RBFOX1: variants seen among roughly 807,000 people sequenced by gnomAD.
The protein encoded by RBFOX1 is RNA binding protein fox-1 homolog 1.
Under a neutral mutation model 57.7 loss-of-function variants are expected in RBFOX1, and 8 were observed. That is an observed-to-expected ratio of 0.14 (90% CI 0.08 to 0.25). The LOEUF (loss-of-function observed/expected upper bound fraction) is 0.25, where lower values mean the gene tolerates loss of function less well. Among genes scored for constraint, RBFOX1 ranks in the 10% least tolerant of loss-of-function variants. RBFOX1 has a pLI of 1.00. For synonymous variants in RBFOX1, 326 were observed against 222.4 expected (o/e 1.47, Z -4.15); for missense variants, 611 against 548.5 (o/e 1.11, Z -1.14).
At chr16:7,121,363 C>A (rs1395677578) in intron 4 of RBFOX1, among the ~76,000 whole-genome samples, 1 of 151,956 alleles carries the variant, frequency 6.6e-6, no homozygotes, top group African/African-American at 2.4e-5. Flanking sequence ...TTTATAAAAT[C>A]CCAAGGAACT....
At position 7,253,889 on chromosome 16, in the gene RBFOX1, G is replaced by A. The variant is rs998520384; in HGVS notation, c.27+201791G>A. On this transcript the variant is annotated intron_variant, in intron 4 of 15. Coordinates refer to ENST00000550418, the MANE Select transcript of RBFOX1 (RefSeq NM_018723.4). Reference sequence around the variant, plus strand: ...TATTGGAGGATTTAATATTTTGTTCGTTCATTACCTGAATCTGAAGAGTCT... The same window carrying A: ...TATTGGAGGATTTAATATTTTGTTCATTCATTACCTGAATCTGAAGAGTCT... Among the ~76,000 whole-genome samples, 11 of 152,184 alleles carry A rather than the reference G, an allele frequency of 7.2e-5. No individual in the cohort carries two copies. The Middle Eastern group carries it at 0.01, about 141-fold the overall frequency.
chr16:7,009,212 C>G (rs1441913410), intron 3 of RBFOX1, among the ~76,000 whole-genome samples: 1 of 130,886 alleles, frequency 7.6e-6, no homozygotes, highest in Admixed American at 8.8e-5. Flanking sequence ...CCCTCTTTCT[C>G]TCTGTCCCTC....
At chr16:5,245,236 T>TA (rs937902342) in intron 1 of RBFOX1, among the ~76,000 whole-genome samples, 1 of 152,148 alleles carries the variant, frequency 6.6e-6, no homozygotes, top group Non-Finnish European at 1.5e-5. Context: ...CCAAAGGACT[T>TA]ACGGACCTAT....
chr16:7,560,397 A>C (rs1324112696), intron 5 of RBFOX1, among the ~76,000 whole-genome samples: 1 of 150,882 alleles, frequency 6.6e-6, no homozygotes, highest in Non-Finnish European at 1.5e-5. Context: ...CACAATGAGA[A>C]ACTGACAAAA....
intron 1 of RBFOX1, among the ~76,000 whole-genome samples, chr16:6,242,634 ACAC>A (rs1441318060): frequency 3.8e-5 from 4 of 103,926 alleles, no homozygotes; most frequent in Non-Finnish European, 7.7e-5. Flanking sequence ...TTGCAAACAC[ACAC>A]ACACACACAC....
Position 5,299,239 on chromosome 16 carries a change from A to T in RBFOX1, c.219+59134A>T, listed in dbSNP as rs568436611. ...TGCTCAAAAAAAGTTTTAAAAATCA[A>T]TCCATACTGTGTATATCAGTGGTTC... On this transcript the variant is annotated intron_variant, in intron 1 of 2. Coordinates refer to the RBFOX1 transcript ENST00000585867. Among the ~76,000 whole-genome samples, 6 of 152,192 alleles carry T rather than the reference A, an allele frequency of 3.9e-5. No homozygotes were observed. The South Asian group carries it at 1.2e-3, about 32-fold the overall frequency.
At chr16:7,369,247 C>G (rs899018469) in intron 4 of RBFOX1, among the ~76,000 whole-genome samples, 8 of 151,752 alleles carry the variant, frequency 5.3e-5, no homozygotes, top group African/African-American at 1.9e-4. Flanking sequence ...CAAACAGAAA[C>G]CACGATGTTC....
At chr16:7,708,174 C>T (rs1223872529) in intron 14 of RBFOX1, among the ~76,000 whole-genome samples, 1 of 151,972 alleles carries the variant, frequency 6.6e-6, no homozygotes, top group Non-Finnish European at 1.5e-5. Flanking sequence ...CTTTGTCTCC[C>T]CCCTCATAAA....
chr16:5,539,413 C>T (rs958624109), intron 2 of RBFOX1, among the ~76,000 whole-genome samples: 3 of 151,672 alleles, frequency 2.0e-5, no homozygotes, highest in African/African-American at 4.8e-5. Context: ...GCCAACATGA[C>T]AAAACCCTGT....
chr16:5,808,399 C>A (rs1050223456), intron 3 of RBFOX1, among the ~76,000 whole-genome samples: 1 of 152,086 alleles, frequency 6.6e-6, no homozygotes, highest in Non-Finnish European at 1.5e-5. Flanking sequence ...CTTGGCGATG[C>A]GGGCTCTTTT....
At chr16:6,316,029 G>T (rs971305029) in intron 1 of RBFOX1, among the ~76,000 whole-genome samples, 4 of 152,266 alleles carry the variant, frequency 2.6e-5, no homozygotes, top group East Asian at 3.9e-4. Context: ...TCTAAATCTT[G>T]TGAACTTTGT....
At chr16:5,358,979 T>C (rs1327135138) in intron 1 of RBFOX1, among the ~76,000 whole-genome samples, 1 of 152,216 alleles carries the variant, frequency 6.6e-6, no homozygotes, top group African/African-American at 2.4e-5. Flanking sequence ...CTTCCTAGCC[T>C]CTGGTGGCCA....
intron 4 of RBFOX1, among the ~76,000 whole-genome samples, chr16:7,464,190 A>T: frequency 6.6e-6 from 1 of 152,180 alleles, no homozygotes; most frequent in East Asian, 1.9e-4. Context: ...CCACTCCAAG[A>T]CATGTGTTTT....
chr16:6,595,140 G>A (rs76543522), intron 2 of RBFOX1, among the ~76,000 whole-genome samples: 2,690 of 152,212 alleles, frequency 0.018, 76 homozygotes, highest in African/African-American at 0.058. Context: ...CACACCATCA[G>A]CGCATTCTAA....
At chr16:6,407,948 G>A (rs1409100769) in intron 2 of RBFOX1, among the ~76,000 whole-genome samples, 1 of 152,134 alleles carries the variant, frequency 6.6e-6, no homozygotes, top group Admixed American at 6.5e-5. Context: ...ATTAAGAGCT[G>A]GAGGCTTTAG....
chr16:7,659,496 G>T (rs779081930), intron 12 of RBFOX1, among the ~76,000 whole-genome samples: 1 of 152,034 alleles, frequency 6.6e-6, no homozygotes, highest in Non-Finnish European at 1.5e-5. Flanking sequence ...ACACAGGGGC[G>T]TCCAATCTTT....
chr16:7,221,795 C>T (rs977075211), intron 4 of RBFOX1, among the ~76,000 whole-genome samples: 1 of 152,216 alleles, frequency 6.6e-6, no homozygotes, highest in African/African-American at 2.4e-5. Context: ...TTATCTTTTA[C>T]AAGCGAGATC....
chr16:5,303,744 A>G (rs1164501159), intron 1 of RBFOX1, among the ~76,000 whole-genome samples: 2 of 150,494 alleles, frequency 1.3e-5, no homozygotes, highest in East Asian at 3.9e-4. Context: ...TATGACTTAG[A>G]TTAATTCTGA....
At chr16:6,861,619 C>T (rs1168071899) in intron 3 of RBFOX1, among the ~76,000 whole-genome samples, 3 of 151,996 alleles carry the variant, frequency 2.0e-5, no homozygotes, top group African/African-American at 4.8e-5. Context: ...ACAGCCTCTA[C>T]ATTGGGTCTT....
Sources: allele counts gnomAD v4.1 joint callset (sites outside exome capture counted in the v4.1 genomes callset), GRCh38; gene constraint gnomAD v4.1.1; transcripts MANE v1.5; gene names NCBI Gene and HGNC (gene_info 2026-07-23, HGNC 2026-07-21).